SLC4A8: variants seen among roughly 807,000 people sequenced by gnomAD.
SLC4A8 encodes solute carrier family 4 member 8.
In SLC4A8, 40 loss-of-function variants were observed where a neutral mutation model predicts 125.0. That is an observed-to-expected ratio of 0.32 (90% CI 0.25 to 0.42). The LOEUF (loss-of-function observed/expected upper bound fraction) is 0.42, where lower values mean the gene tolerates loss of function less well. Among genes scored for constraint, SLC4A8 ranks in the 10% least tolerant of loss-of-function variants. SLC4A8 has a pLI of 1.00. For synonymous variants in SLC4A8, 456 were observed against 476.0 expected (o/e 0.96, Z 0.55); for missense variants, 863 against 1,355.1 (o/e 0.64, Z 5.70).
intron 1 of SLC4A8, among the ~76,000 whole-genome samples, chr12:51,416,536 G>A (rs933541936): frequency 1.5e-4 from 23 of 151,910 alleles, no homozygotes; most frequent in African/African-American, 5.1e-4. Flanking sequence ...TCAGCTACTC[G>A]GGAGGCTGAG....
At chr12:51,425,632 C>A (rs1199227784) in intron 1 of SLC4A8, among the ~76,000 whole-genome samples, 1 of 152,098 alleles carries the variant, frequency 6.6e-6, no homozygotes, top group African/African-American at 2.4e-5. Flanking sequence ...GGAACAGGTG[C>A]TTATTTAAGG....
intron 1 of SLC4A8, among the ~76,000 whole-genome samples, chr12:51,419,302 A>T (rs1948740983): frequency 6.6e-6 from 1 of 152,222 alleles, no homozygotes; most frequent in South Asian, 2.1e-4. Context: ...ATTTGCTGCC[A>T]CCTTAAAGCT....
At chr12:51,451,304 G>A (rs1482516752) in intron 3 of SLC4A8, among the ~76,000 whole-genome samples, 1 of 152,132 alleles carries the variant, frequency 6.6e-6, no homozygotes. Flanking sequence ...GGACGGTCTG[G>A]ATCTCCTGAC....
At chr12:51,392,919 T>C (rs1189892073) in intron 1 of SLC4A8, 5 of 152,244 alleles carry the variant, frequency 3.3e-5, no homozygotes, top group African/African-American at 1.2e-4. Context: ...AAACTTTCTA[T>C]GGTAGAAACT....
chr12:51,467,913 A>AG (rs1950569951), intron 11 of SLC4A8, among the ~76,000 whole-genome samples: 1 of 152,206 alleles, frequency 6.6e-6, no homozygotes, highest in South Asian at 2.1e-4. Flanking sequence ...CAAAATTAAC[A>AG]ATCATTCTTT....
intron 11 of SLC4A8, chr12:51,466,568 G>A (rs1047168936): frequency 2.0e-5 from 3 of 152,050 alleles, no homozygotes; most frequent in Admixed American, 1.3e-4. Context: ...TGTGCCTCCT[G>A]CCCCAGAAAA....
chr12:51,450,881 A>G lies in SLC4A8; in HGVS notation c.136A>G (p.Arg46Gly). The G allele has an allele frequency of 1.9e-6, 3 of 1,613,442 alleles. No individual in the cohort carries two copies. Among genetic ancestry groups the G allele is most frequent in the Non-Finnish European group, 2.5e-6 (3 of 1,179,678 alleles). ...GACCTTCTGCTTCTTTCCAGGTCACAGAACTCTGTATGTGGGAGTTCGGAT... is the reference window on the plus strand; with the variant it reads ...GACCTTCTGCTTCTTTCCAGGTCACGGAACTCTGTATGTGGGAGTTCGGAT... Reference protein sequence around the residue: ...HYEKEELEGHRTLYVGVRMPL... With the variant: ...HYEKEELEGHGTLYVGVRMPL... Residue 46 changes from arginine to glycine, a missense_variant, in exon 3 of 25, where the codon AGA (arginine) becomes GGA (glycine). Around this residue, in one of 6 missense-constraint regions of SLC4A8, gnomAD observed 104 missense variants for 116.4 expected, o/e 0.89. Transcript: ENST00000453097.
intron 2 of SLC4A8, among the ~76,000 whole-genome samples, chr12:51,449,683 C>T (rs1395081315): frequency 6.6e-6 from 1 of 151,896 alleles, no homozygotes; most frequent in African/African-American, 2.4e-5. Flanking sequence ...GGCAGGAAGG[C>T]AAGGGAAAGC....
intron 1 of SLC4A8, among the ~76,000 whole-genome samples, chr12:51,438,135 C>A (rs1949477595): frequency 6.6e-6 from 1 of 152,020 alleles, no homozygotes; most frequent in African/African-American, 2.4e-5. Flanking sequence ...TTTATTATTT[C>A]TTTGTGTTGA....
chr12:51,475,705 C>G (rs1233228593), intron 16 of SLC4A8, among the ~76,000 whole-genome samples: 1 of 152,172 alleles, frequency 6.6e-6, no homozygotes, highest in Non-Finnish European at 1.5e-5. Flanking sequence ...CTGTTTGAAA[C>G]CTCAGCAACC....
chr12:51,424,880 T>C lies in SLC4A8; in HGVS notation c.-108T>C, dbSNP rs1948906152. ...CGGCGGTTGATGGTTGACCGTTGGC[T>C]CCGGGGTGGGGGTCGCCGTTCGAGT... On this transcript the variant is annotated 5_prime_UTR_variant, in exon 1 of 25. Coordinates refer to ENST00000453097, the MANE Select transcript of SLC4A8 (RefSeq NM_001039960.3). The C allele has an allele frequency of 1.6e-6, 2 of 1,234,984 alleles. No individual in the cohort carries two copies. The highest frequency in any genetic ancestry group is 1.1e-6 in the Non-Finnish European group (1 of 879,384). 76.5% of individuals were successfully genotyped at this position (1,234,984 alleles called of 1,614,324 possible).
intron 17 of SLC4A8, among the ~76,000 whole-genome samples, chr12:51,486,278 T>C (rs1030711092): frequency 2.6e-5 from 4 of 152,138 alleles, no homozygotes; most frequent in Non-Finnish European, 4.4e-5. Context: ...TCATTGAGCA[T>C]CAGCTGTATA....
At chr12:51,429,677 TA>T in intron 1 of SLC4A8, among the ~76,000 whole-genome samples, 1 of 151,868 alleles carries the variant, frequency 6.6e-6, no homozygotes, top group Non-Finnish European at 1.5e-5. Context: ...TATTTTTTTT[TA>T]TTTTAATTTT....
chr12:51,424,048 A>AC (rs1948866317), upstream of SLC4A8, among the ~76,000 whole-genome samples: 2 of 51,978 alleles, frequency 3.8e-5, no homozygotes, highest in South Asian at 7.0e-4. Context: ...AAAAAAAAAA[A>AC]AAAAACAAAA....
chr12:51,463,585 T>G, intron 10 of SLC4A8, 29 bp from the exon 11 acceptor site: 1 of 1,522,584 alleles, frequency 6.6e-7, no homozygotes. Context: ...GATGTTACCT[T>G]TACTAATTTT....
At chr12:51,424,135 T>C (rs1210461425), upstream of SLC4A8, among the ~76,000 whole-genome samples, 1 of 151,832 alleles carries the variant, frequency 6.6e-6, no homozygotes, top group Non-Finnish European at 1.5e-5. Flanking sequence ...GCTTCGATTT[T>C]AGCCAGCCTC....
Position 51,489,208 on chromosome 12 carries a change from G to A in SLC4A8, c.2448+348G>A, listed in dbSNP as rs186767779. ...CTGGGCCACTGTTTCCTAGAGGCAG[G>A]TATTCTCCCACTGGTGTCTGTTACT... On this transcript the variant is annotated intron_variant, in intron 18 of 24. Coordinates refer to ENST00000453097, the MANE Select transcript of SLC4A8 (RefSeq NM_001039960.3). Among the ~76,000 whole-genome samples, 1,096 of 152,280 alleles carry A rather than the reference G, an allele frequency of 7.2e-3. 7 individuals are homozygous for A. Among genetic ancestry groups the A allele is most frequent in the Non-Finnish European group, 0.012 (810 of 68,016 alleles).
At position 51,465,584 on chromosome 12, in the gene SLC4A8, C is replaced by T. The variant is rs1214126233; in HGVS notation, c.1349+1870C>T. ...AATTCAAATGGAGTTTGAAGGAGTT[C>T]TCCCATAATGTCATGTCAGGAACTT... On this transcript the variant is annotated intron_variant, in intron 11 of 24. Transcript: ENST00000453097. Among the ~76,000 whole-genome samples, 6 of 152,208 alleles carry T rather than the reference C, an allele frequency of 3.9e-5. No homozygotes were observed. The South Asian group carries it at 1.0e-3, about 26-fold the overall frequency.
intron 1 of SLC4A8, chr12:51,425,244 G>T: frequency 7.4e-7 from 1 of 1,359,130 alleles, no homozygotes; most frequent in Non-Finnish European, 9.4e-7. Flanking sequence ...CCGAACCTGG[G>T]ATCTGGCCCA....
Sources: allele counts gnomAD v4.1 joint callset (sites outside exome capture counted in the v4.1 genomes callset), GRCh38; gene constraint gnomAD v4.1.1; regional missense constraint gnomAD v4.1.1; transcripts MANE v1.5; gene names NCBI Gene and HGNC (gene_info 2026-07-23, HGNC 2026-07-21).